Variants in MEGF10 observed in about 807,000 individuals in gnomAD.
MEGF10 encodes multiple epidermal growth factor-like domains protein 10.
MEGF10 carries 86 observed loss-of-function variants against 147.5 expected under a neutral mutation model. That is an observed-to-expected ratio of 0.58 (90% CI 0.49 to 0.70). The LOEUF (loss-of-function observed/expected upper bound fraction) is 0.70, where lower values mean the gene tolerates loss of function less well. MEGF10 is among the 30% of genes least tolerant of loss of function. The probability of loss-of-function intolerance (pLI) is 0.00; values close to 1 mark genes in which losing one functional copy is unlikely to be tolerated. For missense variants in MEGF10, 1,329 were observed against 1,487.3 expected (o/e 0.89, Z 1.75); for synonymous variants, 478 against 525.5 (o/e 0.91, Z 1.24).
chr5:127,305,904 A>C (rs995035882), intron 1 of MEGF10, among the ~76,000 whole-genome samples: 1 of 152,204 alleles, frequency 6.6e-6, no homozygotes, highest in Non-Finnish European at 1.5e-5. Context: ...TTGCTATGAA[A>C]GCCAAATATC....
chr5:127,239,124 G>A, the MEGF10 span, among the ~76,000 whole-genome samples: 3 of 152,064 alleles, frequency 2.0e-5, no homozygotes, highest in Admixed American at 1.3e-4. Flanking sequence ...AGGCATCAAT[G>A]TCATGAAAGA....
chr5:127,286,057 A>C (rs959007861), upstream of MEGF10, among the ~76,000 whole-genome samples: 1 of 152,162 alleles, frequency 6.6e-6, no homozygotes, highest in Non-Finnish European at 1.5e-5. Context: ...CAAGTACAGA[A>C]AGAGGAATAT....
At chr5:127,452,086 T>C (rs1280655959) in intron 22 of MEGF10, among the ~76,000 whole-genome samples, 2 of 152,186 alleles carry the variant, frequency 1.3e-5, no homozygotes, top group African/African-American at 2.4e-5. Context: ...GCTCCAGGGA[T>C]GGGTGTATAT....
At chr5:127,440,061 A>G (rs1455757674) in intron 17 of MEGF10, among the ~76,000 whole-genome samples, 1 of 152,204 alleles carries the variant, frequency 6.6e-6, no homozygotes, top group Non-Finnish European at 1.5e-5. Flanking sequence ...AGAGATCCCC[A>G]AGACACTCTT....
rs1766488249 is a variant in MEGF10 at position 127,459,521 on chromosome 5, G to A, written c.*2203G>A. The A allele has an allele frequency of 6.6e-6, 1 of 152,072 alleles. No homozygotes were observed. The highest frequency in any genetic ancestry group is 2.1e-4 in the South Asian group (1 of 4,820). The allele number at this position is 152,072 out of a possible 1,614,324, so 9.4% of individuals were successfully genotyped here. On this transcript the variant is annotated 3_prime_UTR_variant, in exon 25 of 25. Transcript: ENST00000503335. ...AAAGATCATCTCTTCAGAGCTGCAT[G>A]GTAAATTTGAATTTCCCCATTGTTC... is the stretch of plus-strand genomic sequence containing the variant.
Position 127,449,846 on chromosome 5 carries a change from G to A in MEGF10, c.2980+624G>A, listed in dbSNP as rs1406609325. On this transcript the variant is annotated intron_variant, in intron 22 of 24. Coordinates refer to ENST00000503335, the MANE Select transcript of MEGF10 (RefSeq NM_001256545.2). ...TTGAGGACCCAAAAGAGCTTCTGTT[G>A]ATAGGGGCTATATCTATTTATATTT... 3.3e-5 allele frequency among the ~76,000 whole-genome samples: 5 copies of A among 152,104 alleles called. 1 individual carries two copies. Among genetic ancestry groups the A allele is most frequent in the African/African-American group, 7.2e-5 (3 of 41,430 alleles).
chr5:127,281,507 T>C, the MEGF10 span, among the ~76,000 whole-genome samples: 2 of 152,218 alleles, frequency 1.3e-5, no homozygotes, highest in African/African-American at 4.8e-5. Flanking sequence ...ACTCTTCCTG[T>C]CAGTCCAGGT....
At chr5:127,282,748 G>T in the MEGF10 span, among the ~76,000 whole-genome samples, 2 of 152,300 alleles carry the variant, frequency 1.3e-5, no homozygotes, top group African/African-American at 4.8e-5. Flanking sequence ...CTTCTGGAAG[G>T]ATGGTGTATC....
chr5:127,447,201 G>A (rs910053355), intron 20 of MEGF10, among the ~76,000 whole-genome samples: 3 of 152,078 alleles, frequency 2.0e-5, no homozygotes, highest in Non-Finnish European at 4.4e-5. Flanking sequence ...TTTAGAGATG[G>A]AGTCTCGCTC....
At chr5:127,279,632 A>G in the MEGF10 span, among the ~76,000 whole-genome samples, 1 of 152,260 alleles carries the variant, frequency 6.6e-6, no homozygotes, top group South Asian at 2.1e-4. Context: ...CTGTCTAATT[A>G]CTGCCTCATT....
rs537012444 is a variant in MEGF10, at chr5:127,371,872, G to T, written c.412+1870G>T. Among the ~76,000 whole-genome samples the T allele has an allele frequency of 2.6e-5, 4 of 152,012 alleles. No homozygotes were observed. The South Asian group carries it at 8.3e-4, about 31-fold the overall frequency. ...CGTTTTGGCTTTATGATGAACAAAA[G>T]CACAAATAAACATGAACAGATGTCT... On this transcript the variant is annotated intron_variant, in intron 5 of 24. Coordinates refer to ENST00000503335, the MANE Select transcript of MEGF10 (RefSeq NM_001256545.2).
rs778173850 is a variant in MEGF10 at position 127,402,580 on chromosome 5, G to A, written c.815G>A (p.Arg272His). 9.3e-6 allele frequency: 15 copies of A among 1,614,002 alleles called. No individual in the cohort carries two copies. The highest frequency in any genetic ancestry group is 3.3e-5 in the Admixed American group (2 of 59,986). ...TGTGGTCAGCCTTGCCCCGAGGGTC[G>A]CTTTGGAAAGAACTGTTCCCAAGAA... ...TVCGQPCPEG[R>H]FGKNCSQECQ... The change falls in exon 8 of 25, where the codon CGC becomes CAC. Residue 272 changes from arginine to histidine, a missense_variant. Arg to His is a conservative substitution (Grantham distance 29). Transcript: ENST00000503335.
intron 1 of MEGF10, among the ~76,000 whole-genome samples, chr5:127,300,628 A>T (rs989757778): frequency 3.9e-5 from 6 of 152,184 alleles, no homozygotes; most frequent in African/African-American, 1.4e-4. Context: ...ACACTTCAAT[A>T]AAAAATTCAA....
upstream of MEGF10, among the ~76,000 whole-genome samples, chr5:127,286,034 A>T (rs1450050395): frequency 6.6e-6 from 1 of 152,140 alleles, no homozygotes; most frequent in Non-Finnish European, 1.5e-5. Context: ...GGAGGACATT[A>T]AGTGAAATAA....
In MEGF10 at chr5:127,446,605, G is replaced by A. The variant is rs564288138; in HGVS notation, c.2728+912G>A. 7.9e-5 allele frequency among the ~76,000 whole-genome samples: 12 copies of A among 152,250 alleles called. No homozygotes were observed. The East Asian group carries it at 2.1e-3, about 27-fold the overall frequency. On this transcript the variant is annotated intron_variant, in intron 20 of 24. Coordinates refer to ENST00000503335, the MANE Select transcript of MEGF10 (RefSeq NM_001256545.2). Reference sequence around the variant, plus strand: ...GGAAAGAGATTTTATTCCAGTGAACGGTTTGCAAACCCAGGAGTTGCAGCC... The same window carrying A: ...GGAAAGAGATTTTATTCCAGTGAACAGTTTGCAAACCCAGGAGTTGCAGCC...
At chr5:127,413,945 A>G (rs1001914414) in intron 9 of MEGF10, among the ~76,000 whole-genome samples, 1 of 152,210 alleles carries the variant, frequency 6.6e-6, no homozygotes, top group Non-Finnish European at 1.5e-5. Context: ...CATTATGTCT[A>G]CACCATGAAT....
At chr5:127,381,469 C>T (rs1176646180) in intron 5 of MEGF10, among the ~76,000 whole-genome samples, 4 of 152,100 alleles carry the variant, frequency 2.6e-5, no homozygotes, top group Non-Finnish European at 5.9e-5. Context: ...TGCTGGCTGC[C>T]GTGCTCAGAG....
At chr5:127,391,021 G>A (rs1251053617) in intron 5 of MEGF10, among the ~76,000 whole-genome samples, 1 of 151,716 alleles carries the variant, frequency 6.6e-6, no homozygotes, top group Non-Finnish European at 1.5e-5. Flanking sequence ...TATTATTAAT[G>A]AGTTAGCTAT....
At chr5:127,349,691 T>TG (rs1399434822) in intron 4 of MEGF10, among the ~76,000 whole-genome samples, 14 of 150,366 alleles carry the variant, frequency 9.3e-5, no homozygotes, top group South Asian at 8.4e-4. Context: ...CCTTTTTTTT[T>TG]TTGTTTTTTT....
Sources: allele counts gnomAD v4.1 joint callset (sites outside exome capture counted in the v4.1 genomes callset), GRCh38; gene constraint gnomAD v4.1.1; transcripts MANE v1.5; gene names NCBI Gene and HGNC (gene_info 2026-07-23, HGNC 2026-07-21).